Variants in ITPR2 observed in about 807,000 individuals in gnomAD.
ITPR2 encodes inositol 1,4,5-trisphosphate receptor type 2, also known as inositol 1,4,5-trisphosphate-gated calcium channel ITPR2.
In ITPR2, 207 loss-of-function variants were observed where a neutral mutation model predicts 317.1. The observed-to-expected ratio is 0.65, with a 90% CI of 0.58 to 0.73. ITPR2 has a LOEUF of 0.73. Among genes scored for constraint, ITPR2 ranks in the 30% least tolerant of loss-of-function variants. The probability of loss-of-function intolerance (pLI) is 0.00; values close to 1 mark genes in which losing one functional copy is unlikely to be tolerated. For missense variants in ITPR2, 2,613 were observed against 3,284.0 expected (o/e 0.80, Z 4.99); for synonymous variants, 1,156 against 1,149.1 (o/e 1.01, Z -0.12).
At chr12:26,586,795 A>G (rs1241288047) in intron 32 of ITPR2, among the ~76,000 whole-genome samples, 1 of 152,202 alleles carries the variant, frequency 6.6e-6, no homozygotes, top group Non-Finnish European at 1.5e-5. Context: ...TTCTATTACT[A>G]ATAATCCAAG....
At chr12:26,519,668 G>T (rs1247568589) in intron 37 of ITPR2, among the ~76,000 whole-genome samples, 1 of 152,134 alleles carries the variant, frequency 6.6e-6, no homozygotes, top group Non-Finnish European at 1.5e-5. Flanking sequence ...AAAACAATTG[G>T]CAGAGATAAA....
intron 13 of ITPR2, among the ~76,000 whole-genome samples, chr12:26,673,341 C>T (rs1420734512): frequency 6.6e-6 from 1 of 152,128 alleles, no homozygotes; most frequent in Non-Finnish European, 1.5e-5. Context: ...AAAAGCTTAT[C>T]CACCATGATT....
intron 55 of ITPR2, among the ~76,000 whole-genome samples, chr12:26,342,357 G>T (rs149937549): frequency 1.3e-5 from 2 of 151,940 alleles, no homozygotes; most frequent in Non-Finnish European, 2.9e-5. Context: ...TTTATATTAC[G>T]TATTATCTGA....
At chr12:26,720,908 A>G (rs886271414) in intron 5 of ITPR2, among the ~76,000 whole-genome samples, 2 of 152,230 alleles carry the variant, frequency 1.3e-5, no homozygotes, top group Non-Finnish European at 2.9e-5. Flanking sequence ...CGGCTAATTT[A>G]AAAACTCCAA....
intron 37 of ITPR2, among the ~76,000 whole-genome samples, chr12:26,516,315 A>AGGAAG (rs1943513078): frequency 1.8e-4 from 25 of 137,752 alleles, no homozygotes; most frequent in South Asian, 7.5e-4. Context: ...AGGAAAGGAA[A>AGGAAG]GGAAAGGAAA....
intron 32 of ITPR2, among the ~76,000 whole-genome samples, chr12:26,589,709 A>T (rs1030323861): frequency 2.7e-5 from 4 of 147,958 alleles, no homozygotes; most frequent in Non-Finnish European, 6.0e-5. Context: ...ATCACTTGAA[A>T]CTGGAAGACA....
At chr12:26,471,852 C>T (rs940907155) in intron 45 of ITPR2, among the ~76,000 whole-genome samples, 2 of 152,222 alleles carry the variant, frequency 1.3e-5, no homozygotes, top group Admixed American at 6.5e-5. Flanking sequence ...ACAGTGGAAA[C>T]TGGACTCTAC....
chr12:26,496,951 A>T (rs1277491822), intron 37 of ITPR2, among the ~76,000 whole-genome samples: 1 of 151,070 alleles, frequency 6.6e-6, no homozygotes, highest in African/African-American at 2.4e-5. Flanking sequence ...CTCAAAAAAA[A>T]AAAAAAGAAG....
rs188098541 is a variant in ITPR2, at chr12:26,669,557, C to T, written c.1410-3506G>A. 5.1e-3 allele frequency among the ~76,000 whole-genome samples: 771 copies of T among 152,226 alleles called. 5 individuals carry two copies. Among genetic ancestry groups the T allele is most frequent in the African/African-American group, 0.017 (697 of 41,550 alleles). On this transcript the variant is annotated intron_variant, in intron 13 of 56. Coordinates refer to ENST00000381340, the MANE Select transcript of ITPR2 (RefSeq NM_002223.4). ...AAAATAATCTATAAAATTACCAAGTCGGGGGAGGAGCCAAGATGGCCGAAT... is the reference window on the plus strand; with the variant it reads ...AAAATAATCTATAAAATTACCAAGTTGGGGGAGGAGCCAAGATGGCCGAAT...
intron 37 of ITPR2, among the ~76,000 whole-genome samples, chr12:26,535,378 C>A (rs1944062649): frequency 1.3e-5 from 2 of 152,250 alleles, no homozygotes; most frequent in South Asian, 4.1e-4. Context: ...TTATCAATGT[C>A]ATTAAATAAC....
chr12:26,355,183 T>C (rs1938596683), intron 55 of ITPR2, among the ~76,000 whole-genome samples: 1 of 152,224 alleles, frequency 6.6e-6, no homozygotes, highest in African/African-American at 2.4e-5. Context: ...TTTCCTAACA[T>C]CACTACTCAT....
chr12:26,658,035 T>G lies in ITPR2; in HGVS notation c.1982A>C (p.Asn661Thr). 1.9e-6 allele frequency: 3 copies of G among 1,613,060 alleles called. No individual in the cohort carries two copies. Among genetic ancestry groups the G allele is most frequent in the Non-Finnish European group, 2.5e-6 (3 of 1,179,594 alleles). ...LICKFMLSPG[N>T]ADILIQTKVV... ...CTTAGTTTGAATGAGAATGTCTGCATTGCCTGGACTCAACATAAATTTACA... is the reference window on the plus strand; with the variant it reads ...CTTAGTTTGAATGAGAATGTCTGCAGTGCCTGGACTCAACATAAATTTACA... Residue 661 changes from asparagine (N) to threonine (T), a missense_variant, in exon 17 of 57, where the codon AAT (asparagine) becomes ACT (threonine). Physicochemically the swap from Asn to Thr is moderately conservative, Grantham distance 65 (BLOSUM62 0). Transcript: ENST00000381340.
At chr12:26,703,951 C>T (rs748211879) in intron 9 of ITPR2, among the ~76,000 whole-genome samples, 2 of 152,206 alleles carry the variant, frequency 1.3e-5, no homozygotes, top group Non-Finnish European at 2.9e-5. Flanking sequence ...TAACTGTGAA[C>T]TGTGATAAGC....
At chr12:26,586,105 TA>T (rs1257376842) in intron 32 of ITPR2, among the ~76,000 whole-genome samples, 1 of 152,238 alleles carries the variant, frequency 6.6e-6, no homozygotes. Flanking sequence ...TTACCCTTTT[TA>T]AAACTGTACC....
In ITPR2 at chr12:26,411,327, T is replaced by G. The variant is rs1940540610; in HGVS notation, c.7392A>C (p.Ser2464=). 1 of 1,612,450 alleles carries G rather than the reference T, an allele frequency of 6.2e-7. No homozygotes were observed. Among genetic ancestry groups the G allele is most frequent in the Non-Finnish European group, 8.5e-7 (1 of 1,178,766 alleles). ...AGAGTCCTTTCTACAAACCTGTATT[T>G]GAAGCTGGAATTGTGGGTGAACAGT... ...KENCSPTIPA[S]NTADEEYEDG... Residue 2464 remains serine, a synonymous_variant, in exon 52 of 57, where the codon TCA becomes TCC. Transcript: ENST00000381340.
intron 48 of ITPR2, among the ~76,000 whole-genome samples, chr12:26,430,027 A>G (rs933581873): frequency 2.0e-5 from 3 of 152,254 alleles, no homozygotes; most frequent in African/African-American, 7.2e-5. Context: ...AACAGAAATT[A>G]TAGTCAGGCA....
rs184062985 is a variant in ITPR2 at position 26,652,549 on chromosome 12, T to C, written c.2740+1427A>G. ...CATGTCCCCTTTTCAGGGCTGAGGC[T>C]CTTATTGCCCCAGCTGCTGGGCATT... On this transcript the variant is annotated intron_variant, in intron 21 of 56. Coordinates refer to ENST00000381340, the MANE Select transcript of ITPR2 (RefSeq NM_002223.4). 7.0e-3 allele frequency among the ~76,000 whole-genome samples: 1,062 copies of C among 152,324 alleles called. 5 individuals carry two copies. Among genetic ancestry groups the C allele is most frequent in the Admixed American group, 0.013 (198 of 15,298 alleles).
chr12:26,411,559 T>C (rs1940551227), intron 51 of ITPR2, 147 bp from the exon 52 acceptor site: 1 of 611,648 alleles, frequency 1.6e-6, no homozygotes, highest in Admixed American at 3.1e-5. Flanking sequence ...AGTATGGAAT[T>C]CTGAACACAG....
intron 2 of ITPR2, among the ~76,000 whole-genome samples, chr12:26,769,654 C>T (rs987224297): frequency 7.9e-5 from 12 of 152,134 alleles, no homozygotes; most frequent in East Asian, 5.8e-4. Context: ...TATTAATGCA[C>T]ACATATTTCC....
Sources: gnomAD v4.1 joint callset for allele counts (sites outside exome capture counted in the v4.1 genomes callset) on GRCh38, gnomAD v4.1.1 for gene constraint, MANE v1.5 for transcripts, NCBI Gene and HGNC (gene_info 2026-07-23, HGNC 2026-07-21) for gene names.